Variants in METTL6 observed in about 807,000 individuals in gnomAD.
The protein encoded by METTL6 is methyltransferase 6, tRNA N3-cytidine.
In METTL6, 22 loss-of-function variants were observed where a neutral mutation model predicts 26.4. That is an observed-to-expected ratio of 0.83 (90% confidence interval 0.59 to 1.19). The LOEUF is 1.19. METTL6 is among the 50% of genes most tolerant of loss of function. METTL6 has a pLI of 0.00. For missense variants in METTL6, 304 were observed against 324.8 expected (o/e 0.94, Z 0.49); for synonymous variants, 109 against 116.2 (o/e 0.94, Z 0.40).
intron 3 of METTL6, among the ~76,000 whole-genome samples, chr3:15,416,774 GAAGA>G (rs900794596): frequency 5.2e-4 from 79 of 152,306 alleles, no homozygotes; most frequent in African/African-American, 1.9e-3. Context: ...GGAGTATTAT[GAAGA>G]AAAACATTAA....
In METTL6 at chr3:15,413,979, C is replaced by T. The variant is rs765611017; in HGVS notation, c.673+42G>A. On this transcript the variant is annotated intron_variant, in intron 5 of 5. Transcript: ENST00000383790. ...GATAATGCAATCAAATAAACAGAAA[C>T]AAAGAATAAAACATTTAAAGACTGG... The T allele has an allele frequency of 9.9e-6, 16 of 1,612,868 alleles. No individual in the cohort carries two copies. In the East Asian group the frequency reaches 3.1e-4, roughly 31 times the overall value.
chr3:15,400,298 C>T (rs971571594), intron 6 of METTL6, among the ~76,000 whole-genome samples: 1 of 152,110 alleles, frequency 6.6e-6, no homozygotes, highest in African/African-American at 2.4e-5. Context: ...AGCCCCAGGT[C>T]CCCTATTCCT....
intron 4 of METTL6, among the ~76,000 whole-genome samples, chr3:15,415,156 T>C (rs1232704365): frequency 2.6e-5 from 4 of 152,240 alleles, no homozygotes; most frequent in South Asian, 2.1e-4. Context: ...CCACAATGTA[T>C]AGCTCAATCA....
intron 6 of METTL6, among the ~76,000 whole-genome samples, chr3:15,402,056 T>C (rs924833247): frequency 6.6e-6 from 1 of 152,170 alleles, no homozygotes; most frequent in African/African-American, 2.4e-5. Context: ...TTGGAACCCC[T>C]TTCCAGTAAC....
At chr3:15,408,034 T>C (rs1284062869), downstream of METTL6, among the ~76,000 whole-genome samples, 1 of 152,216 alleles carries the variant, frequency 6.6e-6, no homozygotes, top group African/African-American at 2.4e-5. Flanking sequence ...TAAGATTATT[T>C]TCCTGGCCTC....
At chr3:15,388,437 T>C (rs1287017673) in intron 6 of METTL6, among the ~76,000 whole-genome samples, 1 of 152,114 alleles carries the variant, frequency 6.6e-6, no homozygotes, top group Admixed American at 6.5e-5. Context: ...TAAGGACAAC[T>C]TGGTGAGTAG....
chr3:15,411,474 A>C (rs1440677372), intron 5 of METTL6, 37 bp from the exon 6 acceptor site: 12 of 1,588,288 alleles, frequency 7.6e-6, no homozygotes, highest in African/African-American at 1.4e-5. Flanking sequence ...AACAGTCTTC[A>C]TAACATTACA....
chr3:15,415,301 G>C (rs946727534), intron 4 of METTL6, among the ~76,000 whole-genome samples: 22 of 152,348 alleles, frequency 1.4e-4, no homozygotes, highest in African/African-American at 4.8e-4. Context: ...ATACTCAACA[G>C]GGTTAAGTGA....
At chr3:15,409,380 C>T (rs1160588921), downstream of METTL6, among the ~76,000 whole-genome samples, 1 of 152,070 alleles carries the variant, frequency 6.6e-6, no homozygotes, top group Non-Finnish European at 1.5e-5. Context: ...GTGAGCAGAA[C>T]AAAATAACCT....
Position 15,410,746 on chromosome 3 carries a change from G to A in METTL6, c.*510C>T, listed in dbSNP as rs115713502. On this transcript the variant is annotated 3_prime_UTR_variant, in exon 6 of 6. Transcript: ENST00000383790. ...GGGCCAGGCATGGTGGCTTACACCT[G>A]TAGTCCTAGCTACTCAGGAGGCTGA... Among the ~76,000 whole-genome samples, 731 of 152,236 alleles carry A rather than the reference G, an allele frequency of 4.8e-3. 2 individuals are homozygous for A. Among genetic ancestry groups the A allele is most frequent in the African/African-American group, 0.017 (695 of 41,542 alleles).
At chr3:15,406,696 C>T (rs1344317986), downstream of METTL6, among the ~76,000 whole-genome samples, 1 of 140,540 alleles carries the variant, frequency 7.1e-6, no homozygotes, top group East Asian at 2.1e-4. Context: ...GCCCAGGCTA[C>T]AGTGCAATGG....
In METTL6 at chr3:15,426,033, C is replaced by T. The variant is rs143608280; in HGVS notation, c.225+254G>A. 1.9e-3 allele frequency among the ~76,000 whole-genome samples: 286 copies of T among 152,204 alleles called. 1 individual carries two copies. The highest frequency in any genetic ancestry group is 6.8e-3 in the Middle Eastern group (2 of 294). On this transcript the variant is annotated intron_variant, in intron 2 of 5. Transcript: ENST00000383790. Reference sequence around the variant, plus strand: ...TCGGCTCACTGCTATCTCCGCCTCCCGGGTTCAAGCGATTCTCCTGCCTCA... The same window carrying T: ...TCGGCTCACTGCTATCTCCGCCTCCTGGGTTCAAGCGATTCTCCTGCCTCA...
rs140791233 is a variant in METTL6 at position 15,402,154 on chromosome 3, A to G, written c.*11+9091T>C. ...CAATGGTTCATTTTGCTTGCTGCCC[A>G]GATAGAGCCAATCTGTCAAGACAAG... On this transcript the variant is annotated intron_variant, in intron 6 of 6. Coordinates refer to the METTL6 transcript ENST00000443029. Among the ~76,000 whole-genome samples, 1,346 of 152,248 alleles carry G rather than the reference A, an allele frequency of 8.8e-3. 11 individuals are homozygous for G. The highest frequency in any genetic ancestry group is 0.014 in the Non-Finnish European group (959 of 68,000).
intron 5 of METTL6, among the ~76,000 whole-genome samples, chr3:15,412,652 A>ATT (rs537567345): frequency 7.0e-6 from 1 of 143,472 alleles, no homozygotes. Flanking sequence ...CCTGGCTAAT[A>ATT]TTTTTTTTTT....
chr3:15,414,288 G>A lies in METTL6; in HGVS notation c.532-126C>T, dbSNP rs1700096941. On this transcript the variant is annotated intron_variant, in intron 4 of 5. Transcript: ENST00000383790. ...GGACAGACTGAAATGCCCATAATACGGAACCAAAATGGCCTACTACTTAAA... is the reference window on the plus strand; with the variant it reads ...GGACAGACTGAAATGCCCATAATACAGAACCAAAATGGCCTACTACTTAAA... 8 of 1,460,712 alleles carry A rather than the reference G, an allele frequency of 5.5e-6. No homozygotes were observed. In the East Asian group the frequency reaches 7.3e-5, roughly 13 times the overall value. The allele number at this position is 1,460,712 out of a possible 1,614,324, so 90.5% of individuals were successfully genotyped here. A position where few individuals can be genotyped will look rare whatever the true frequency, so the allele number is the denominator to read the frequency against.
At chr3:15,404,537 G>A (rs1420330559) in intron 6 of METTL6, among the ~76,000 whole-genome samples, 1 of 143,926 alleles carries the variant, frequency 6.9e-6, no homozygotes, top group Non-Finnish European at 1.5e-5. Flanking sequence ...TTTAAGTAGA[G>A]ACAGGGCCTC....
At chr3:15,416,052 T>C (rs1700192340) in intron 3 of METTL6, 110 bp from the exon 4 acceptor site, 1 of 916,402 alleles carries the variant, frequency 1.1e-6, no homozygotes. Context: ...ACATAGAAAT[T>C]ATCACTGTTA....
chr3:15,391,719 A>T (rs1337987059), intron 6 of METTL6, among the ~76,000 whole-genome samples: 1 of 137,718 alleles, frequency 7.3e-6, no homozygotes, highest in African/African-American at 2.8e-5. Flanking sequence ...TCACTGTTCA[A>T]TTCCCACCTA....
intron 6 of METTL6, among the ~76,000 whole-genome samples, chr3:15,390,817 A>G (rs796621343): frequency 9.7e-5 from 14 of 144,048 alleles, no homozygotes; most frequent in African/African-American, 3.7e-4. Flanking sequence ...GAATCATGTC[A>G]CACGAACAGA....
Sources: gnomAD v4.1 joint callset for allele counts (sites outside exome capture counted in the v4.1 genomes callset) on GRCh38, gnomAD v4.1.1 for gene constraint, MANE v1.5 for transcripts, NCBI Gene and HGNC (gene_info 2026-07-23, HGNC 2026-07-21) for gene names.